HTR2C: variants seen among roughly 807,000 people sequenced by gnomAD.
The protein encoded by HTR2C is 5-hydroxytryptamine (serotonin) receptor 2C, G protein-coupled.
Under a neutral mutation model 21.0 loss-of-function variants are expected in HTR2C, and 5 were observed. That is an observed-to-expected ratio of 0.24 (90% CI 0.12 to 0.50). HTR2C has a LOEUF of 0.50. HTR2C is among the 20% of genes least tolerant of loss of function. The pLI is 0.98. For missense variants in HTR2C, 271 were observed against 371.2 expected, an observed-to-expected ratio of 0.73 and a Z score of 2.22; for synonymous variants, 150 against 145.3, an observed-to-expected ratio of 1.03 and a Z score of -0.23.
intron 4 of HTR2C, among the ~76,000 whole-genome samples, chrX:114,838,357 G>T (rs2070805551): frequency 9.0e-6 from 1 of 111,604 alleles, no homozygotes; most frequent in South Asian, 3.7e-4. Context: ...GTTTCCAAGT[G>T]CTAGCTTTGG....
intron 5 of HTR2C, among the ~76,000 whole-genome samples, chrX:114,848,554 T>A (rs940636336): frequency 2.7e-5 from 3 of 111,822 alleles, no homozygotes; most frequent in Non-Finnish European, 5.6e-5. Context: ...TTTAAAAATA[T>A]AACATTTCAA....
At chrX:114,781,492 A>ATC (rs1223372835) in intron 4 of HTR2C, among the ~76,000 whole-genome samples, 7 of 105,687 alleles carry the variant, frequency 6.6e-5, no homozygotes, top group East Asian at 3.0e-4. Flanking sequence ...CAAGACCCCA[A>ATC]TCTCTCTCTC....
chrX:114,794,080 A>G (rs2070263281), intron 4 of HTR2C, among the ~76,000 whole-genome samples: 3 of 111,483 alleles, frequency 2.7e-5, no homozygotes, highest in Admixed American at 9.6e-5. Flanking sequence ...TGACAACTTT[A>G]AAAGTCTATG....
chrX:114,823,908 T>C (rs782463619), intron 4 of HTR2C, among the ~76,000 whole-genome samples: 1 of 111,825 alleles, frequency 8.9e-6, no homozygotes, highest in Admixed American at 9.5e-5. Flanking sequence ...GCCAAATACC[T>C]AGAGGTAGAG....
intron 5 of HTR2C, among the ~76,000 whole-genome samples, chrX:114,893,210 A>G (rs2147529130): frequency 1.8e-5 from 2 of 111,025 alleles, no homozygotes; most frequent in East Asian, 5.6e-4. Context: ...CACTGTGCCC[A>G]GCCTGATTTT....
In HTR2C at chrX:114,808,600, C is replaced by T. The variant is rs781848322; in HGVS notation, c.350-39403C>T. 8.2e-4 allele frequency among the ~76,000 whole-genome samples: 91 copies of T among 111,301 alleles called. 2 individuals carry two copies. The South Asian group carries it at 0.032, about 39-fold the overall frequency. ...TTCCACCAACAGTGTACCAGGCTTC[C>T]GTTTTCTCCACATCCTCGCCAGTGT... On this transcript the variant is annotated intron_variant, in intron 4 of 5. Transcript: ENST00000276198.
rs1556440579 is a variant in HTR2C at position 114,781,450 on chromosome X, T to G, written c.349+49843T>G. On this transcript the variant is annotated intron_variant, in intron 4 of 5. Coordinates refer to ENST00000276198, the MANE Select transcript of HTR2C (RefSeq NM_000868.4). Reference sequence around the variant, plus strand: ...GTTCAAGGTTACAGTGAGCTCTGATTGCATTTCTGCACTCTAGCCTGGATG... The same window carrying G: ...GTTCAAGGTTACAGTGAGCTCTGATGGCATTTCTGCACTCTAGCCTGGATG... 2.7e-5 allele frequency among the ~76,000 whole-genome samples: 3 copies of G among 110,766 alleles called. No homozygotes were observed. The East Asian group carries it at 8.6e-4, about 32-fold the overall frequency.
At chrX:114,745,709 A>G (rs2069696388) in intron 4 of HTR2C, among the ~76,000 whole-genome samples, 1 of 112,084 alleles carries the variant, frequency 8.9e-6, no homozygotes, top group Admixed American at 9.5e-5. Context: ...ACACAGGAAG[A>G]CAAACGTCAG....
chrX:114,805,478 T>C (rs1456469114), intron 4 of HTR2C, among the ~76,000 whole-genome samples: 1 of 103,458 alleles, frequency 9.7e-6, no homozygotes, highest in African/African-American at 3.5e-5. Context: ...TTTTAAATTT[T>C]AAATTTTGGT....
chrX:114,779,927 G>A (rs1027063276), intron 4 of HTR2C, among the ~76,000 whole-genome samples: 1 of 111,040 alleles, frequency 9.0e-6, no homozygotes, highest in Non-Finnish European at 1.9e-5. Flanking sequence ...GTGTGCATAT[G>A]TGTATATGTG....
chrX:114,713,225 G>A (rs1054584514), intron 2 of HTR2C, among the ~76,000 whole-genome samples: 9 of 110,522 alleles, frequency 8.1e-5, no homozygotes, highest in East Asian at 2.9e-4. Flanking sequence ...CATTCTCTTC[G>A]TTGAATTATT....
At chrX:114,629,549 TGAACCAACTG>T (rs1263360032) in intron 2 of HTR2C, among the ~76,000 whole-genome samples, 10 of 112,243 alleles carry the variant, frequency 8.9e-5, no homozygotes, top group Non-Finnish European at 1.7e-4. Context: ...TGTGGGAACG[TGAACCAACTG>T]GATCTCTTAC....
intron 5 of HTR2C, among the ~76,000 whole-genome samples, chrX:114,855,853 C>T (rs1349853168): frequency 1.1e-5 from 1 of 90,937 alleles, no homozygotes; most frequent in Non-Finnish European, 2.1e-5. Flanking sequence ...TTTCTTTCTC[C>T]AAACAGGTAT....
At chrX:114,637,002 C>A (rs1359628068) in intron 2 of HTR2C, among the ~76,000 whole-genome samples, 1 of 111,379 alleles carries the variant, frequency 9.0e-6, no homozygotes, top group Non-Finnish European at 1.9e-5. Context: ...AAACTGAAGT[C>A]CTTTCAGGAA....
chrX:114,808,623 T>C (rs2070501893), intron 4 of HTR2C, among the ~76,000 whole-genome samples: 1 of 111,405 alleles, frequency 9.0e-6, no homozygotes, highest in African/African-American at 3.3e-5. Flanking sequence ...TCCTCGCCAG[T>C]GTTTGTTATT....
chrX:114,649,523 G>T, intron 2 of HTR2C, among the ~76,000 whole-genome samples: 1 of 112,238 alleles, frequency 8.9e-6, no homozygotes, highest in Middle Eastern at 4.7e-3. Context: ...TTTAGCCATA[G>T]GAACATAAGA....
chrX:114,717,157 G>GACC (rs1238376836), intron 2 of HTR2C, among the ~76,000 whole-genome samples: 1 of 109,809 alleles, frequency 9.1e-6, no homozygotes, highest in Non-Finnish European at 1.9e-5. Context: ...CTGCAGCCTC[G>GACC]ACCACCTGAG....
intron 5 of HTR2C, among the ~76,000 whole-genome samples, chrX:114,867,563 G>A (rs935096697): frequency 9.0e-6 from 1 of 111,180 alleles, no homozygotes; most frequent in Non-Finnish European, 1.9e-5. Context: ...GTTGGGCATT[G>A]CTTAAGAAAT....
At chrX:114,855,402 A>G (rs2070951177) in intron 5 of HTR2C, among the ~76,000 whole-genome samples, 1 of 111,345 alleles carries the variant, frequency 9.0e-6, no homozygotes, top group Non-Finnish European at 1.9e-5. Context: ...TCACTATACA[A>G]TGTCAAAAAT....
Sources: gnomAD v4.1 joint callset for allele counts (sites outside exome capture counted in the v4.1 genomes callset) on GRCh38, gnomAD v4.1.1 for gene constraint, MANE v1.5 for transcripts, NCBI Gene and HGNC (gene_info 2026-07-23, HGNC 2026-07-21) for gene names.